Variants in AAK1 observed in about 807,000 individuals in gnomAD.
AAK1 encodes the protein AP2-associated protein kinase 1.
In AAK1, 37 loss-of-function variants were observed where a neutral mutation model predicts 116.0. That is an observed-to-expected ratio of 0.32 (90% CI 0.25 to 0.42). The LOEUF is 0.42. AAK1 is among the 10% of genes least tolerant of loss of function. The pLI, the probability that AAK1 is intolerant of heterozygous loss-of-function variation, is 1.00. For missense variants in AAK1, 919 were observed against 1,170.6 expected (o/e 0.79, Z 3.14); for synonymous variants, 458 against 439.9 (o/e 1.04, Z -0.51).
Position 69,465,283 on chromosome 2 carries a change from G to A in AAK1, c.*10586C>T. 6 of 707,254 alleles carry A rather than the reference G, an allele frequency of 8.5e-6. No individual in the cohort carries two copies. Among genetic ancestry groups the A allele is most frequent in the Non-Finnish European group, 1.2e-5 (6 of 505,424 alleles). 43.8% of individuals were successfully genotyped at this position (707,254 alleles called of 1,614,324 possible). A position where few individuals can be genotyped will look rare whatever the true frequency, so the allele number is the denominator to read the frequency against. On this transcript the variant is annotated 3_prime_UTR_variant, in exon 22 of 22. Transcript: ENST00000409085. ...AAATATCACTGCAACTGAGTTTGTT[G>A]ACTCAAGAAATTCTGCTCTGACGCA...
At position 69,584,182 on chromosome 2, in the gene AAK1, C is replaced by T. The variant is rs1170459000; in HGVS notation, c.164-27204G>A. Among the ~76,000 whole-genome samples, 4 of 152,142 alleles carry T rather than the reference C, an allele frequency of 2.6e-5. No homozygotes were observed. The South Asian group carries it at 6.2e-4, about 24-fold the overall frequency. On this transcript the variant is annotated intron_variant, in intron 2 of 21. Coordinates refer to ENST00000409085, the MANE Select transcript of AAK1 (RefSeq NM_014911.5). Reference sequence around the variant, plus strand: ...TGGTATAGTTACCTTCTCTCCCTACCCCCTTTAACAATCTAGCATCTTCCT... The same window carrying T: ...TGGTATAGTTACCTTCTCTCCCTACTCCCTTTAACAATCTAGCATCTTCCT...
Position 69,469,534 on chromosome 2 carries a change from C to T in AAK1, c.*6335G>A. ...ACTAGCATTGAAGGATTTATACTAA[C>T]CTAACCACATGCCTTGACCCAGTTC... On this transcript the variant is annotated 3_prime_UTR_variant, in exon 22 of 22. Coordinates refer to ENST00000409085, the MANE Select transcript of AAK1 (RefSeq NM_014911.5). The T allele has an allele frequency of 1.0e-6, 1 of 985,406 alleles. No individual in the cohort carries two copies. 61.0% of individuals were successfully genotyped at this position (985,406 alleles called of 1,614,324 possible). A position where few individuals can be genotyped will look rare whatever the true frequency, so the allele number is the denominator to read the frequency against.
At chr2:69,529,860 A>T in intron 8 of AAK1, 148 bp downstream of exon 8, 1 of 784,824 alleles carries the variant, frequency 1.3e-6, no homozygotes, top group Non-Finnish European at 1.9e-6. Flanking sequence ...CTAGACAGTT[A>T]CATTGTCTTT....
chr2:69,536,761 A>G (rs1670491293), intron 5 of AAK1, among the ~76,000 whole-genome samples: 1 of 152,192 alleles, frequency 6.6e-6, no homozygotes, highest in African/African-American at 2.4e-5. Flanking sequence ...CTTCATCTCA[A>G]TATTATTCCA....
rs531581759 is a variant in AAK1, at chr2:69,536,198, T to C, written c.535-4036A>G. ...AATTAAGGGGGATGGACAGTTGAGA[T>C]TGGCGAGGAAGGAGGAAGGAGAAAG... is the stretch of plus-strand genomic sequence containing the variant. On this transcript the variant is annotated intron_variant, in intron 5 of 21. Coordinates refer to ENST00000409085, the MANE Select transcript of AAK1 (RefSeq NM_014911.5). Among the ~76,000 whole-genome samples, 218 of 152,144 alleles carry C rather than the reference T, an allele frequency of 1.4e-3. 1 individual carries two copies. The highest frequency in any genetic ancestry group is 1.1e-3 in the Non-Finnish European group (75 of 67,990).
In AAK1 at chr2:69,509,248, G is replaced by A; in HGVS notation, c.1989C>T (p.Ala663=). 6.2e-7 allele frequency: 1 copy of A among 1,614,002 alleles called. No homozygotes were observed. The highest frequency in any genetic ancestry group is 8.5e-7 in the Non-Finnish European group (1 of 1,179,868). Reference sequence around the variant, plus strand: ...CCACATACTTGGACTTATTGAGACTGGCCTCAGCTGCAGCTGCCTGGAGCA... The same window carrying A: ...CCACATACTTGGACTTATTGAGACTAGCCTCAGCTGCAGCTGCCTGGAGCA... The part of the protein sequence containing the change: ...TQLLQAAAAE[A]SLNKSKSATT... Residue 663 remains alanine, a synonymous_variant, in exon 14 of 22, where the codon GCC becomes GCT. Transcript: ENST00000409085.
At chr2:69,559,067 G>C (rs1450732635) in intron 2 of AAK1, among the ~76,000 whole-genome samples, 1 of 152,094 alleles carries the variant, frequency 6.6e-6, no homozygotes, top group African/African-American at 2.4e-5. Flanking sequence ...AATGTGGACT[G>C]TGATAATGAT....
intron 2 of AAK1, among the ~76,000 whole-genome samples, chr2:69,569,214 G>A (rs11126238): frequency 0.39 from 58,587 of 151,972 alleles, 12,172 homozygotes; most frequent in East Asian, 0.77. Context: ...GCCTTTATAC[G>A]TTTCCCCATT....
intron 4 of AAK1, 174 bp downstream of exon 4, chr2:69,544,262 T>C (rs569866677): frequency 5.8e-4 from 338 of 579,488 alleles, no homozygotes; most frequent in Non-Finnish European, 8.4e-4. Flanking sequence ...TCTACGTTTG[T>C]ACCGTTATAA....
Position 69,633,917 on chromosome 2 carries a change from C to T in AAK1, c.163+8961G>A, listed in dbSNP as rs528638948. ...GGGCACAGTGGCTCACGCCTGTAAT[C>T]CCACCACTTTGGGAGGCTGAGGCAG... On this transcript the variant is annotated intron_variant, in intron 2 of 21. Transcript: ENST00000409085. Among the ~76,000 whole-genome samples the T allele has an allele frequency of 5.4e-3, 823 of 152,264 alleles. 9 individuals are homozygous for T. The highest frequency in any genetic ancestry group is 0.019 in the African/African-American group (781 of 41,532).
At chr2:69,620,673 C>T (rs957097307) in intron 2 of AAK1, among the ~76,000 whole-genome samples, 1 of 152,120 alleles carries the variant, frequency 6.6e-6, no homozygotes, top group Non-Finnish European at 1.5e-5. Context: ...TGTTGGATCC[C>T]ATGTCTGCGA....
At chr2:69,627,279 A>G (rs1674946245) in intron 2 of AAK1, among the ~76,000 whole-genome samples, 1 of 148,448 alleles carries the variant, frequency 6.7e-6, no homozygotes, top group Non-Finnish European at 1.5e-5. Flanking sequence ...ACAGAGTGAG[A>G]CTCTGTCTCA....
intron 2 of AAK1, among the ~76,000 whole-genome samples, chr2:69,586,908 T>C (rs1451038158): frequency 6.6e-6 from 1 of 152,120 alleles, no homozygotes; most frequent in African/African-American, 2.4e-5. Context: ...CAGGTGAGCC[T>C]AATAGGCAGT....
intron 2 of AAK1, among the ~76,000 whole-genome samples, chr2:69,607,192 A>T (rs1673846279): frequency 6.6e-6 from 1 of 152,114 alleles, no homozygotes. Context: ...TTCCCCAAGA[A>T]GGTGACATAT....
rs181141643 is a variant in AAK1 at position 69,630,076 on chromosome 2, C to T, written c.163+12802G>A. Reference sequence around the variant, plus strand: ...CACGGTACAAAGATGGTGAGGAGGGCGCAGGCCTGGTGGAAGCAGCAGACC... The same window carrying T: ...CACGGTACAAAGATGGTGAGGAGGGTGCAGGCCTGGTGGAAGCAGCAGACC... On this transcript the variant is annotated intron_variant, in intron 2 of 21. Transcript: ENST00000409085. Among the ~76,000 whole-genome samples, 244 of 152,042 alleles carry T rather than the reference C, an allele frequency of 1.6e-3. 1 individual carries two copies. Among genetic ancestry groups the T allele is most frequent in the African/African-American group, 4.9e-3 (205 of 41,458 alleles).
chr2:69,614,772 TAA>T (rs1454464818), intron 2 of AAK1, among the ~76,000 whole-genome samples: 4 of 152,120 alleles, frequency 2.6e-5, no homozygotes, highest in Non-Finnish European at 5.9e-5. Context: ...AATCTAATGA[TAA>T]GTGTCCTTAG....
chr2:69,640,815 G>C (rs1275487681), intron 2 of AAK1, among the ~76,000 whole-genome samples: 1 of 152,106 alleles, frequency 6.6e-6, no homozygotes, highest in Non-Finnish European at 1.5e-5. Flanking sequence ...AGAAATCCTG[G>C]GCTCCCTAAA....
intron 5 of AAK1, among the ~76,000 whole-genome samples, chr2:69,536,154 G>A (rs1670463646): frequency 6.6e-6 from 1 of 152,192 alleles, no homozygotes; most frequent in Non-Finnish European, 1.5e-5. Context: ...CTCACCCACC[G>A]TGCTGATGTG....
At chr2:69,509,210 C>T (rs747204263) in intron 14 of AAK1, 21 bp downstream of exon 14, 6 of 1,610,750 alleles carry the variant, frequency 3.7e-6, no homozygotes. Context: ...GTAAGAACAA[C>T]AAAGAGGAAG....
Sources: gnomAD v4.1 joint callset for allele counts (sites outside exome capture counted in the v4.1 genomes callset) on GRCh38, gnomAD v4.1.1 for gene constraint, MANE v1.5 for transcripts, NCBI Gene and HGNC (gene_info 2026-07-23, HGNC 2026-07-21) for gene names.